The following MROH2A variants were observed in gnomAD, a reference collection of about 807,000 sequenced individuals.
MROH2A encodes the protein maestro heat-like repeat-containing protein family member 2A.
A neutral mutation model predicts 200.4 loss-of-function variants in MROH2A; 174 were observed. The observed-to-expected ratio is 0.87, with a 90% CI of 0.77 to 0.98. The LOEUF (loss-of-function observed/expected upper bound fraction) is 0.98, where lower values mean the gene tolerates loss of function less well. MROH2A is among the 50% of genes least tolerant of loss of function. The pLI, the probability that MROH2A is intolerant of heterozygous loss-of-function variation, is 0.00. For synonymous variants in MROH2A, 829 were observed against 840.4 expected (o/e 0.99, Z 0.23); for missense variants, 2,045 against 2,139.6 (o/e 0.96, Z 0.87).
At chr2:233,832,385 CTG>C in intron 40 of MROH2A, 106 bp downstream of exon 40, 1 of 1,022,184 alleles carries the variant, frequency 9.8e-7, no homozygotes, top group South Asian at 1.5e-5. Flanking sequence ...ATGTGGCAAG[CTG>C]AGACCAGAGC....
intron 3 of MROH2A, among the ~76,000 whole-genome samples, chr2:233,788,605 G>A (rs998721867): frequency 2.0e-5 from 3 of 152,090 alleles, no homozygotes; most frequent in African/African-American, 7.2e-5. Flanking sequence ...GGGCTTTGCA[G>A]GCAGTGGCTC....
Position 233,790,156 on chromosome 2 carries a change from G to T in MROH2A, c.571+142G>T, listed in dbSNP as rs963629623. The T allele has an allele frequency of 5.6e-5, 45 of 808,936 alleles. No homozygotes were observed. In the African/African-American group the frequency reaches 7.5e-4, roughly 13 times the overall value. The allele number at this position is 808,936 out of a possible 1,614,324, so 50.1% of individuals were successfully genotyped here. The stretch of plus-strand genomic sequence containing the variant: ...TTTCCCTCTAAAATTGATTCATTTT[G>T]TGTCTGCAGTCCTTTTGTCTCTTAG... On this transcript the variant is annotated intron_variant, in intron 5 of 41. Transcript: ENST00000389758.
rs984554452 is a variant in MROH2A, at chr2:233,818,699, G to A, written c.3133G>A (p.Glu1045Lys). 6.4e-7 allele frequency: 1 copy of A among 1,550,404 alleles called. No homozygotes were observed. The highest frequency in any genetic ancestry group is 1.4e-5 in the African/African-American group (1 of 73,158). Residue 1045 changes from glutamate to lysine, a missense_variant, in exon 29 of 42, where the codon GAG becomes AAG. Coordinates refer to ENST00000389758, the MANE Select transcript of MROH2A (RefSeq NM_001394639.1). ...GGGCCCTTCCAAGCAGAAGGAGCTTGAGAAATGTAAGGGGGACCTCCAGAG... is the reference window on the plus strand; with the variant it reads ...GGGCCCTTCCAAGCAGAAGGAGCTTAAGAAATGTAAGGGGGACCTCCAGAG... ...LWGPSKQKEL[E>K]KCKGDLQSTD... is the part of the protein sequence containing the mutation.
At chr2:233,830,694 G>C (rs2361506) in intron 38 of MROH2A, among the ~76,000 whole-genome samples, 1 of 151,722 alleles carries the variant, frequency 6.6e-6, no homozygotes, top group Non-Finnish European at 1.5e-5. Context: ...CAGTGAGGGG[G>C]ATTGAGATGC....
chr2:233,803,025 T>C (rs1702568483), intron 15 of MROH2A, among the ~76,000 whole-genome samples: 2 of 152,190 alleles, frequency 1.3e-5, no homozygotes, highest in Non-Finnish European at 2.9e-5. Context: ...GTCCATTTGT[T>C]TGTGCGCTGT....
intron 23 of MROH2A, among the ~76,000 whole-genome samples, chr2:233,811,553 G>A (rs1703156178): frequency 6.6e-6 from 1 of 152,222 alleles, no homozygotes. Flanking sequence ...GTACTTTCAC[G>A]CTAGCCTGGA....
In MROH2A at chr2:233,802,159, C is replaced by G. The variant is rs986248512; in HGVS notation, c.1561-9C>G. ...TTCTGAGCCCCTTTCTCTCCCACCC[C>G]TACCCCAGGAGTTTTGGGTGAGGCT... On this transcript the variant is annotated splice_polypyrimidine_tract_variant and intron_variant, in intron 14 of 41. Coordinates refer to ENST00000389758, the MANE Select transcript of MROH2A (RefSeq NM_001394639.1). 6.5e-7 allele frequency: 1 copy of G among 1,547,080 alleles called. No individual in the cohort carries two copies. The highest frequency in any genetic ancestry group is 8.7e-7 in the Non-Finnish European group (1 of 1,144,710).
chr2:233,796,967 T>C (rs1702153919), intron 11 of MROH2A, among the ~76,000 whole-genome samples: 1 of 152,246 alleles, frequency 6.6e-6, no homozygotes, highest in South Asian at 2.1e-4. Context: ...TTTTTACCTA[T>C]TCAATGAATA....
At chr2:233,777,772 G>A (rs1032063907), upstream of MROH2A, among the ~76,000 whole-genome samples, 3 of 152,152 alleles carry the variant, frequency 2.0e-5, no homozygotes, top group African/African-American at 4.8e-5. Flanking sequence ...ATTTCCCAAA[G>A]GCCAATATTT....
Position 233,828,721 on chromosome 2 carries a change from C to T in MROH2A, c.4205C>T (p.Ala1402Val). The T allele has an allele frequency of 6.4e-7, 1 of 1,550,676 alleles. No individual in the cohort carries two copies. The highest frequency in any genetic ancestry group is 1.2e-5 in the South Asian group (1 of 84,060). ...EKGADQEEDE[A>V]LRVLSLRALG... ...GGTGCCGACCAGGAGGAAGACGAGGCCCTGCGGGTGCTGTCCCTGCGCGCC... is the reference window on the plus strand; with the variant it reads ...GGTGCCGACCAGGAGGAAGACGAGGTCCTGCGGGTGCTGTCCCTGCGCGCC... Residue 1402 changes from alanine (A) to valine (V), a missense_variant, in exon 36 of 42, where the codon GCC becomes GTC. This residue lies in a region of MROH2A where 1,201 missense variants were observed against 1,311.3 expected (regional missense o/e 0.92). Transcript: ENST00000389758. This position sits in a 1 kb window ranked among gnomAD's most constrained non-coding sequence, Gnocchi z 4.6.
intron 11 of MROH2A, among the ~76,000 whole-genome samples, chr2:233,796,539 C>T (rs1702123426): frequency 6.6e-6 from 1 of 152,104 alleles, no homozygotes; most frequent in Non-Finnish European, 1.5e-5. Context: ...GAATTGTTAA[C>T]CCGAATCCTC....
chr2:233,799,914 T>A lies in MROH2A; in HGVS notation c.1449+15T>A. 6 of 1,550,410 alleles carry A rather than the reference T, an allele frequency of 3.9e-6. No homozygotes were observed. The highest frequency in any genetic ancestry group is 5.2e-6 in the Non-Finnish European group (6 of 1,146,900). On this transcript the variant is annotated intron_variant, in intron 13 of 41. Coordinates refer to ENST00000389758, the MANE Select transcript of MROH2A (RefSeq NM_001394639.1). Reference sequence around the variant, plus strand: ...CCTACAAACTGGTGAGTGGCCCTGATACGCAGACCGCAGAGCAGCTGGACT... The same window carrying A: ...CCTACAAACTGGTGAGTGGCCCTGAAACGCAGACCGCAGAGCAGCTGGACT...
chr2:233,833,118 C>T lies in MROH2A; in HGVS notation c.4904-20C>T. 1 of 1,529,596 alleles carries T rather than the reference C, an allele frequency of 6.5e-7. No homozygotes were observed. The highest frequency in any genetic ancestry group is 1.3e-5 in the South Asian group (1 of 79,942). The allele number at this position is 1,529,596 out of a possible 1,614,324, so 94.8% of individuals were successfully genotyped here. On this transcript the variant is annotated intron_variant, in intron 41 of 41. Transcript: ENST00000389758. Reference sequence around the variant, plus strand: ...TGACTGGGCGGGGCCTGAACCTTCCCTCTTTGTGTTCTCTCTCAGCCCTCC... The same window carrying T: ...TGACTGGGCGGGGCCTGAACCTTCCTTCTTTGTGTTCTCTCTCAGCCCTCC...
At chr2:233,831,774 T>A (rs769098562) in intron 39 of MROH2A, among the ~76,000 whole-genome samples, 3 of 152,376 alleles carry the variant, frequency 2.0e-5, no homozygotes, top group Non-Finnish European at 2.9e-5. Flanking sequence ...GAAACTAATT[T>A]TCATGTATTT....
At chr2:233,802,575 G>C (rs1702541315) in intron 15 of MROH2A, 1 of 375,056 alleles carries the variant, frequency 2.7e-6, no homozygotes, top group South Asian at 5.7e-5. Context: ...CCCTGGTCCA[G>C]ATCCCATCCT....
chr2:233,798,745 C>T (rs1484685636), intron 11 of MROH2A, 29 bp from the exon 12 acceptor site: 1 of 1,535,534 alleles, frequency 6.5e-7, no homozygotes, highest in Non-Finnish European at 8.8e-7. Context: ...AGCCACAGCC[C>T]TCCAGCCCAC....
At chr2:233,812,574 T>C (rs940681306) in intron 24 of MROH2A, among the ~76,000 whole-genome samples, 3 of 152,194 alleles carry the variant, frequency 2.0e-5, no homozygotes, top group African/African-American at 7.2e-5. Flanking sequence ...ATAAATGTCA[T>C]GAACATCAAC....
Position 233,789,978 on chromosome 2 carries a change from GTCA to G in MROH2A, c.542_544del (p.Ile181del). 2 of 1,550,400 alleles carry G rather than the reference GTCA, an allele frequency of 1.3e-6. No homozygotes were observed. Among genetic ancestry groups the G allele is most frequent in the Non-Finnish European group, 1.7e-6 (2 of 1,146,886 alleles). On this transcript the variant is annotated inframe_deletion, in exon 5 of 42. Coordinates refer to ENST00000389758, the MANE Select transcript of MROH2A (RefSeq NM_001394639.1). ...GCCCCTCAACCTCACTGATGAATTT[GTCA>G]TCATCACACTGGCCAAGCTGGCCAA...
chr2:233,830,364 C>G (rs1391746829), intron 38 of MROH2A, among the ~76,000 whole-genome samples: 1 of 152,218 alleles, frequency 6.6e-6, no homozygotes, highest in Non-Finnish European at 1.5e-5. Context: ...TCTTCTCTCC[C>G]TAGTCTCTGC....
Sources: allele counts gnomAD v4.1 joint callset (sites outside exome capture counted in the v4.1 genomes callset), GRCh38; gene constraint gnomAD v4.1.1; regional missense constraint gnomAD v4.1.1; non-coding constraint Gnocchi (gnomAD v3.1); transcripts MANE v1.5; gene names NCBI Gene and HGNC (gene_info 2026-07-23, HGNC 2026-07-21).